The following PCDH7 variants were observed in gnomAD, a reference collection of about 807,000 sequenced individuals.
PCDH7 encodes protocadherin 7, also known as protocadherin-7.
PCDH7 carries 17 observed loss-of-function variants against 58.9 expected under a neutral mutation model. The ratio of observed to expected loss-of-function variants is 0.29; its 90% CI spans 0.20 to 0.43. The LOEUF (loss-of-function observed/expected upper bound fraction) is 0.43, where lower values mean the gene tolerates loss of function less well. Ranked by LOEUF, PCDH7 falls within the 20% of genes least tolerant of loss-of-function variation. The probability of loss-of-function intolerance (pLI) is 1.00; values close to 1 mark genes in which losing one functional copy is unlikely to be tolerated. For synonymous variants in PCDH7, 664 were observed against 616.4 expected, an observed-to-expected ratio of 1.08 and a Z score of -1.14; for missense variants, 1,274 against 1,441.0, an observed-to-expected ratio of 0.88 and a Z score of 1.88.
intron 1 of PCDH7, among the ~76,000 whole-genome samples, chr4:30,765,822 G>A (rs1720670571): frequency 6.6e-6 from 1 of 152,142 alleles, no homozygotes; most frequent in South Asian, 2.1e-4. Flanking sequence ...AGGCAATAAT[G>A]ACTTTGGATA....
chr4:30,789,204 C>A (rs1394895422), intron 1 of PCDH7, among the ~76,000 whole-genome samples: 1 of 152,088 alleles, frequency 6.6e-6, no homozygotes, highest in Non-Finnish European at 1.5e-5. Flanking sequence ...CAGAGGAAAC[C>A]TTTTTGTTCT....
intron 1 of PCDH7, among the ~76,000 whole-genome samples, chr4:30,912,965 C>T (rs1741984606): frequency 6.6e-6 from 1 of 151,706 alleles, no homozygotes; most frequent in Non-Finnish European, 1.5e-5. Context: ...GTGATGGTTA[C>T]TTTCTAATTA....
chr4:30,920,934 T>C (rs1743111120), intron 2 of PCDH7, among the ~76,000 whole-genome samples: 1 of 151,584 alleles, frequency 6.6e-6, no homozygotes, highest in Non-Finnish European at 1.5e-5. Context: ...TATTCAAGTA[T>C]AAGGTTTTTT....
At chr4:31,122,467 G>C (rs987183602) in intron 3 of PCDH7, among the ~76,000 whole-genome samples, 7 of 151,984 alleles carry the variant, frequency 4.6e-5, no homozygotes, top group African/African-American at 1.7e-4. Flanking sequence ...CTTAAGCTGT[G>C]CATTGTTTAG....
At chr4:31,143,790 GA>G (rs1485725202), downstream of PCDH7, 2 of 152,172 alleles carry the variant, frequency 1.3e-5, no homozygotes, top group African/African-American at 4.8e-5. Context: ...TGTATGCACA[GA>G]AACAATCAAA....
At chr4:31,130,445 T>C (rs960089669) in intron 3 of PCDH7, among the ~76,000 whole-genome samples, 13 of 152,188 alleles carry the variant, frequency 8.5e-5, no homozygotes, top group African/African-American at 2.9e-4. Flanking sequence ...TCCATATCTT[T>C]TAATGGATGA....
At chr4:30,819,369 A>C (rs532286472) in intron 1 of PCDH7, among the ~76,000 whole-genome samples, 1 of 152,118 alleles carries the variant, frequency 6.6e-6, no homozygotes, top group African/African-American at 2.4e-5. Flanking sequence ...TCTGATTTAA[A>C]TATGTTACAT....
At chr4:30,958,057 G>A (rs1222329247) in intron 3 of PCDH7, among the ~76,000 whole-genome samples, 1 of 152,068 alleles carries the variant, frequency 6.6e-6, no homozygotes, top group Non-Finnish European at 1.5e-5. Flanking sequence ...ATTTATAGAA[G>A]AGAGGAAAGA....
At chr4:30,952,825 A>C (rs1199498988) in intron 3 of PCDH7, among the ~76,000 whole-genome samples, 1 of 152,128 alleles carries the variant, frequency 6.6e-6, no homozygotes, top group East Asian at 1.9e-4. Context: ...CTATGCATTT[A>C]GAACTAAAAT....
intron 1 of PCDH7, among the ~76,000 whole-genome samples, chr4:30,898,859 G>A (rs1372349538): frequency 2.0e-5 from 3 of 152,144 alleles, no homozygotes; most frequent in African/African-American, 7.2e-5. Context: ...CCAAAGTGCT[G>A]GGATTACAGG....
chr4:30,910,469 G>A (rs1376422748), intron 1 of PCDH7, among the ~76,000 whole-genome samples: 5 of 151,794 alleles, frequency 3.3e-5, no homozygotes, highest in African/African-American at 9.7e-5. Context: ...ACAAATTTAC[G>A]AGAAAATGCA....
chr4:30,895,476 T>C (rs1441100307), intron 1 of PCDH7, among the ~76,000 whole-genome samples: 1 of 152,048 alleles, frequency 6.6e-6, no homozygotes, highest in African/African-American at 2.4e-5. Context: ...CAAAACGGGA[T>C]TTTATAATTG....
At chr4:30,820,366 T>C (rs767291920) in intron 1 of PCDH7, among the ~76,000 whole-genome samples, 1 of 152,134 alleles carries the variant, frequency 6.6e-6, no homozygotes, top group Non-Finnish European at 1.5e-5. Flanking sequence ...TCTCTAGGAA[T>C]ATGTAGGAAG....
intron 1 of PCDH7, among the ~76,000 whole-genome samples, chr4:30,881,566 A>G (rs1736978578): frequency 6.6e-6 from 1 of 152,062 alleles, no homozygotes; most frequent in South Asian, 2.1e-4. Flanking sequence ...GTCTTTTACC[A>G]CCGTTTCTAG....
intron 2 of PCDH7, among the ~76,000 whole-genome samples, chr4:30,947,383 G>C (rs73214949): frequency 0.041 from 6,233 of 152,058 alleles, 191 homozygotes; most frequent in Non-Finnish European, 0.061. Flanking sequence ...ATAAATCATA[G>C]GGATCATTTT....
At chr4:31,082,879 T>C (rs544777447) in intron 3 of PCDH7, among the ~76,000 whole-genome samples, 20 of 152,116 alleles carry the variant, frequency 1.3e-4, no homozygotes, top group South Asian at 6.2e-4. Flanking sequence ...AGGGCCAAGG[T>C]GGGCGGATCA....
chr4:31,111,056 G>A (rs1305885644), intron 3 of PCDH7, among the ~76,000 whole-genome samples: 45 of 152,092 alleles, frequency 3.0e-4, no homozygotes, highest in Non-Finnish European at 5.9e-5. Flanking sequence ...AGGAATTACA[G>A]CTATCATAGT....
intron 3 of PCDH7, among the ~76,000 whole-genome samples, chr4:31,003,808 T>A (rs1236639256): frequency 6.6e-6 from 1 of 151,966 alleles, no homozygotes; most frequent in African/African-American, 2.4e-5. Context: ...CTCAGGAGAC[T>A]GAGGCAGGAG....
exon 2 of PCDH7, chr4:30,732,387 A>C (rs971937369): frequency 3.3e-5 from 5 of 152,186 alleles, no homozygotes; most frequent in Non-Finnish European, 5.9e-5. Flanking sequence ...CTCAAAAACA[A>C]ATTACAGAAA....
Sources: gnomAD v4.1 joint callset for allele counts (sites outside exome capture counted in the v4.1 genomes callset) on GRCh38, gnomAD v4.1.1 for gene constraint, MANE v1.5 for transcripts, NCBI Gene and HGNC (gene_info 2026-07-23, HGNC 2026-07-21) for gene names.